The following ENPEP variants were observed in gnomAD, a reference collection of about 807,000 sequenced individuals.
The protein encoded by ENPEP is AP-A.
Under a neutral mutation model 114.5 loss-of-function variants are expected in ENPEP, and 103 were observed. The ratio of observed to expected loss-of-function variants is 0.90; its 90% CI spans 0.77 to 1.06. ENPEP has a LOEUF of 1.06. Ranked by LOEUF, ENPEP falls within the 50% of genes least tolerant of loss-of-function variation. The pLI, the probability that ENPEP is intolerant of heterozygous loss-of-function variation, is 0.00. For synonymous variants in ENPEP, 420 were observed against 422.0 expected, an observed-to-expected ratio of 1.00 and a Z score of 0.06; for missense variants, 1,196 against 1,161.3, an observed-to-expected ratio of 1.03 and a Z score of -0.43.
chr4:110,476,800 C>G lies in ENPEP; in HGVS notation c.386C>G (p.Thr129Ser), dbSNP rs1429282709. The change falls in exon 1 of 20, where the codon ACC becomes AGC. Residue 129 changes from threonine to serine, a missense_variant. By Grantham distance (58) the Thr-to-Ser change is moderately conservative (BLOSUM62 1). Transcript: ENST00000265162. ...VSISINLSAP[T>S]RYLWLHLRET... ...ATCTCCATCAACCTGAGCGCTCCCACCCGGTACCTGTGGCTGCACCTCCGG... is the reference window on the plus strand; with the variant it reads ...ATCTCCATCAACCTGAGCGCTCCCAGCCGGTACCTGTGGCTGCACCTCCGG... The G allele has an allele frequency of 1.9e-6, 3 of 1,614,204 alleles. No homozygotes were observed. The highest frequency in any genetic ancestry group is 2.5e-6 in the Non-Finnish European group (3 of 1,180,036).
chr4:110,535,697 A>G (rs566917064), intron 11 of ENPEP, among the ~76,000 whole-genome samples: 1 of 152,342 alleles, frequency 6.6e-6, no homozygotes, highest in Admixed American at 6.5e-5. Flanking sequence ...ACTTAGTAAG[A>G]ATTAAAGGGC....
chr4:110,487,052 CTGGTCTGGGTGGTGTCAGCTGA>C (rs1724532586), intron 1 of ENPEP, among the ~76,000 whole-genome samples: 1 of 152,102 alleles, frequency 6.6e-6, no homozygotes, highest in Admixed American at 6.6e-5. Context: ...GAGCCAGATA[CTGGTCTGGGTGGTGTCAGCTGA>C]TCCATCAAGT....
intron 4 of ENPEP, among the ~76,000 whole-genome samples, chr4:110,509,190 T>G (rs1391774653): frequency 6.6e-6 from 1 of 152,246 alleles, no homozygotes; most frequent in Non-Finnish European, 1.5e-5. Context: ...TTGGTATTTC[T>G]ATCAATATTT....
chr4:110,513,690 A>G (rs1725663185), intron 7 of ENPEP, 141 bp downstream of exon 7: 1 of 983,144 alleles, frequency 1.0e-6, no homozygotes, highest in East Asian at 2.6e-5. Flanking sequence ...AGTGCTGAAT[A>G]TTCAATAGTT....
Position 110,563,872 on chromosome 4 carries a change from C to G in ENPEP, c.*2314C>G, listed in dbSNP as rs572118806. On this transcript the variant is annotated 3_prime_UTR_variant, in exon 20 of 20. Coordinates refer to ENST00000265162, the MANE Select transcript of ENPEP (RefSeq NM_001977.4). Reference sequence around the variant, plus strand: ...TGACAGGCAAGGGAGGTTTGGGAAACAGGGGTGAGATGTATACCTGGGTTG... The same window carrying G: ...TGACAGGCAAGGGAGGTTTGGGAAAGAGGGGTGAGATGTATACCTGGGTTG... The G allele has an allele frequency of 4.9e-4, 75 of 152,104 alleles. No homozygotes were observed. Among genetic ancestry groups the G allele is most frequent in the African/African-American group, 1.8e-3 (73 of 41,490 alleles). The allele number at this position is 152,104 out of a possible 1,614,324, so 9.4% of individuals were successfully genotyped here.
chr4:110,515,250 G>A, intron 7 of ENPEP, 127 bp from the exon 8 acceptor site: 1 of 742,644 alleles, frequency 1.3e-6, no homozygotes, highest in Non-Finnish European at 2.2e-6. Flanking sequence ...ATATAATTTA[G>A]CAGAATCATC....
chr4:110,546,131 G>A (rs1011493621), intron 13 of ENPEP, among the ~76,000 whole-genome samples: 6 of 152,146 alleles, frequency 3.9e-5, no homozygotes, highest in South Asian at 2.1e-4. Flanking sequence ...CCACTAAAAT[G>A]TCTCACCTTA....
chr4:110,542,493 C>T (rs886764881), intron 11 of ENPEP, among the ~76,000 whole-genome samples: 3 of 152,022 alleles, frequency 2.0e-5, no homozygotes, highest in African/African-American at 7.2e-5. Flanking sequence ...AAGCTTCTGC[C>T]AGTAAAAACT....
intron 10 of ENPEP, 87 bp downstream of exon 10, chr4:110,520,453 T>A (rs1410839547): frequency 1.5e-6 from 2 of 1,349,548 alleles, no homozygotes; most frequent in Non-Finnish European, 2.1e-6. Context: ...GAGTACATGA[T>A]GGATGAGTGA....
chr4:110,533,938 A>G (rs1726508628), intron 11 of ENPEP, among the ~76,000 whole-genome samples: 2 of 152,218 alleles, frequency 1.3e-5, no homozygotes, highest in Admixed American at 1.3e-4. Flanking sequence ...TTTGATGACA[A>G]ATCTGCCTTT....
Position 110,531,172 on chromosome 4 carries a change from A to G in ENPEP, c.1728-26A>G, listed in dbSNP as rs1726391329. Reference sequence around the variant, plus strand: ...TTTTATCTTTTAGTAATAAAAGTTAAATTTTTCTTTTTAAAAAAATTTTAG... The same window carrying G: ...TTTTATCTTTTAGTAATAAAAGTTAGATTTTTCTTTTTAAAAAAATTTTAG... On this transcript the variant is annotated intron_variant, in intron 10 of 19. Coordinates refer to ENST00000265162, the MANE Select transcript of ENPEP (RefSeq NM_001977.4). 6.0e-6 allele frequency: 8 copies of G among 1,340,358 alleles called. No homozygotes were observed. The East Asian group carries it at 1.6e-4, about 27-fold the overall frequency. 83.0% of individuals were successfully genotyped at this position (1,340,358 alleles called of 1,614,324 possible).
chr4:110,554,575 A>C lies in ENPEP; in HGVS notation c.2642+1120A>C, dbSNP rs984152517. Among the ~76,000 whole-genome samples the C allele has an allele frequency of 4.3e-4, 66 of 152,074 alleles. 1 individual carries two copies. Among genetic ancestry groups the C allele is most frequent in the African/African-American group, 1.5e-3 (63 of 41,544 alleles). On this transcript the variant is annotated intron_variant, in intron 18 of 19. Transcript: ENST00000265162. Reference sequence around the variant, plus strand: ...TGTGTGTGTGCACGCACATATGTGCATTGTTCATCTTTTATGATTGTTTAA... The same window carrying C: ...TGTGTGTGTGCACGCACATATGTGCCTTGTTCATCTTTTATGATTGTTTAA...
chr4:110,549,702 G>T lies in ENPEP; in HGVS notation c.2331-14G>T. The T allele has an allele frequency of 6.2e-7, 1 of 1,612,748 alleles. No individual in the cohort carries two copies. The highest frequency in any genetic ancestry group is 8.5e-7 in the Non-Finnish European group (1 of 1,179,274). ...GAGTAGTTGAAATCTCTGAAACACT[G>T]TTTCTTCTTCTAGCCTTCCCGTAAA... On this transcript the variant is annotated splice_polypyrimidine_tract_variant and intron_variant, in intron 16 of 19. Transcript: ENST00000265162.
chr4:110,498,391 G>A (rs1229442336), intron 3 of ENPEP, among the ~76,000 whole-genome samples: 4 of 152,172 alleles, frequency 2.6e-5, no homozygotes, highest in Non-Finnish European at 4.4e-5. Context: ...CTACTTCTGC[G>A]GGATGATCAG....
intron 3 of ENPEP, among the ~76,000 whole-genome samples, chr4:110,491,514 T>C (rs959678473): frequency 2.6e-5 from 4 of 152,158 alleles, no homozygotes; most frequent in African/African-American, 9.7e-5. Flanking sequence ...CTCCCAGATA[T>C]AGACTAGAGA....
At chr4:110,524,085 A>C (rs1270382697) in intron 10 of ENPEP, among the ~76,000 whole-genome samples, 1 of 152,120 alleles carries the variant, frequency 6.6e-6, no homozygotes, top group Non-Finnish European at 1.5e-5. Context: ...TATTTTATTA[A>C]ATTTTATATT....
intron 19 of ENPEP, among the ~76,000 whole-genome samples, chr4:110,560,877 ATTATTC>A (rs937880306): frequency 6.6e-6 from 1 of 152,144 alleles, no homozygotes; most frequent in African/African-American, 2.4e-5. Flanking sequence ...AAAAAGCCAA[ATTATTC>A]TTATTTTTAT....
At chr4:110,558,270 T>TTATATATATATATATATATA (rs5861011) in intron 18 of ENPEP, among the ~76,000 whole-genome samples, 22 of 141,698 alleles carry the variant, frequency 1.6e-4, no homozygotes, top group African/African-American at 5.8e-4. Flanking sequence ...TTTATAAAAA[T>TTATATATATATATATATATA]TATATATATA....
intron 4 of ENPEP, among the ~76,000 whole-genome samples, chr4:110,509,036 C>T (rs1419160687): frequency 6.6e-6 from 1 of 152,162 alleles, no homozygotes; most frequent in Non-Finnish European, 1.5e-5. Context: ...ATCAACACTG[C>T]CTCCTCCTGT....
Sources: gnomAD v4.1 joint callset for allele counts (sites outside exome capture counted in the v4.1 genomes callset) on GRCh38, gnomAD v4.1.1 for gene constraint, MANE v1.5 for transcripts, NCBI Gene and HGNC (gene_info 2026-07-23, HGNC 2026-07-21) for gene names.